CDC25C: variants seen among roughly 807,000 people sequenced by gnomAD.
CDC25C encodes the protein cell division cycle 25C, also known as M-phase inducer phosphatase 3.
Under a neutral mutation model 52.5 loss-of-function variants are expected in CDC25C, and 48 were observed. The ratio of observed to expected loss-of-function variants is 0.91; its 90% CI spans 0.72 to 1.16. CDC25C has a LOEUF of 1.16. Ranked by LOEUF, CDC25C falls within the 50% of genes most tolerant of loss-of-function variation. The pLI is 0.00. For missense variants in CDC25C, 510 were observed against 566.1 expected, an observed-to-expected ratio of 0.90 and a Z score of 1.01; for synonymous variants, 187 against 206.5, an observed-to-expected ratio of 0.91 and a Z score of 0.81.
In CDC25C at chr5:138,285,436, C is replaced by T; in HGVS notation, c.*256G>A. On this transcript the variant is annotated 3_prime_UTR_variant, in exon 14 of 14. Transcript: ENST00000323760. ...CATGAGGAGTTGGGAAAAGGAATGC[C>T]AGAGTTCCCTGAACCAATACAAATC... 2 of 411,654 alleles carry T rather than the reference C, an allele frequency of 4.9e-6. No individual in the cohort carries two copies. Among genetic ancestry groups the T allele is most frequent in the South Asian group, 4.4e-5 (1 of 22,586 alleles). The allele number at this position is 411,654 out of a possible 1,614,324, so 25.5% of individuals were successfully genotyped here. A position where few individuals can be genotyped will look rare whatever the true frequency, so the allele number is the denominator to read the frequency against.
intron 2 of CDC25C, 23 bp downstream of exon 2, chr5:138,330,964 T>A (rs1224121266): frequency 1.3e-6 from 2 of 1,485,410 alleles, no homozygotes; most frequent in East Asian, 4.5e-5. Flanking sequence ...GGCAATACAG[T>A]GTAAAAATAA....
At chr5:138,302,045 A>G (rs1757666681) in intron 7 of CDC25C, among the ~76,000 whole-genome samples, 1 of 150,630 alleles carries the variant, frequency 6.6e-6, no homozygotes, top group African/African-American at 2.5e-5. Flanking sequence ...CCCAGGATGG[A>G]CTGCAGTGGC....
chr5:138,319,846 A>C (rs1759207294), intron 6 of CDC25C, among the ~76,000 whole-genome samples: 1 of 152,220 alleles, frequency 6.6e-6, no homozygotes, highest in Non-Finnish European at 1.5e-5. Context: ...CTTTATACCC[A>C]TTAGGATAGC....
At position 138,317,628 on chromosome 5, in the gene CDC25C, C is replaced by G. The variant is rs1354098937; in HGVS notation, c.615+1591G>C. 2.4e-5 allele frequency among the ~76,000 whole-genome samples: 3 copies of G among 125,778 alleles called. No individual in the cohort carries two copies. The Admixed American group carries it at 3.0e-4, about 13-fold the overall frequency. 82.5% of individuals were successfully genotyped at this position (125,778 alleles called of 152,430 possible). A position where few individuals can be genotyped will look rare whatever the true frequency, so the allele number is the denominator to read the frequency against. On this transcript the variant is annotated intron_variant, in intron 7 of 13. Transcript: ENST00000323760. ...CTGGGGAGATTGAGGCTGCAGTGAACTTTAATTGTGCCACGTACCCCAGCC... is the reference window on the plus strand; with the variant it reads ...CTGGGGAGATTGAGGCTGCAGTGAAGTTTAATTGTGCCACGTACCCCAGCC...
rs1440446732 is a variant in CDC25C, at chr5:138,292,226, A to G, written c.616-110T>C. ...TTTGAAATGCAGGTTTCCAGATGTT[A>G]GGCCACACCCCAAACCTACTGAATT... is the stretch of plus-strand genomic sequence containing the variant. On this transcript the variant is annotated intron_variant, in intron 7 of 13. Transcript: ENST00000323760. 3 of 789,584 alleles carry G rather than the reference A, an allele frequency of 3.8e-6. No homozygotes were observed. In the African/African-American group the frequency reaches 5.2e-5, roughly 14 times the overall value. 48.9% of individuals were successfully genotyped at this position (789,584 alleles called of 1,614,324 possible).
At chr5:138,310,178 T>C (rs1758334119) in intron 7 of CDC25C, among the ~76,000 whole-genome samples, 1 of 152,202 alleles carries the variant, frequency 6.6e-6, no homozygotes, top group Non-Finnish European at 1.5e-5. Flanking sequence ...CCTCAACCCC[T>C]TGTTCATCCA....
intron 9 of CDC25C, among the ~76,000 whole-genome samples, chr5:138,289,911 T>G (rs1025900632): frequency 2.0e-5 from 3 of 146,376 alleles, no homozygotes; most frequent in Non-Finnish European, 4.5e-5. Context: ...GCTATTAAAA[T>G]GAAATGGGCT....
At chr5:138,328,650 A>G in intron 3 of CDC25C, 121 bp from the exon 4 acceptor site, 1 of 796,592 alleles carries the variant, frequency 1.3e-6, no homozygotes, top group Non-Finnish European at 2.2e-6. Context: ...GCTTTTGAAT[A>G]CAAAGCCTCT....
chr5:138,308,110 T>A (rs1303280473), intron 7 of CDC25C, among the ~76,000 whole-genome samples: 1 of 152,178 alleles, frequency 6.6e-6, no homozygotes, highest in Admixed American at 6.5e-5. Flanking sequence ...TCTTACTTCC[T>A]ACTGTGCGGC....
chr5:138,287,228 C>A lies in CDC25C; in HGVS notation c.967G>T (p.Glu323Ter). The A allele has an allele frequency of 6.2e-7, 1 of 1,614,082 alleles. No individual in the cohort carries two copies. Reference protein sequence around the residue: ...LLSGKFQGLIEKFYVIDCRYP... With the variant: ...LLSGKFQGLI ...CGACAATCAATGACATAAAACTTCT[C>A]AATCAGACCCTGGAACTTCCCCGAC... is the stretch of plus-strand genomic sequence containing the variant. Residue 323 changes from glutamate (E) to a stop codon, truncating the protein, a stop_gained, in exon 11 of 14, where the codon GAG (glutamate) becomes TAG (stop). Coordinates refer to ENST00000323760, the MANE Select transcript of CDC25C (RefSeq NM_001790.5). LOFTEE classifies it high-confidence loss of function.
At chr5:138,321,632 G>A (rs1419040216) in intron 6 of CDC25C, among the ~76,000 whole-genome samples, 3 of 151,478 alleles carry the variant, frequency 2.0e-5, no homozygotes, top group Non-Finnish European at 2.9e-5. Context: ...CACGCCTATA[G>A]TCCCAGCTAC....
intron 6 of CDC25C, among the ~76,000 whole-genome samples, chr5:138,319,774 T>C (rs958201692): frequency 6.6e-6 from 1 of 152,106 alleles, no homozygotes; most frequent in Non-Finnish European, 1.5e-5. Flanking sequence ...CATAAGCACA[T>C]CAAAAGATGC....
chr5:138,333,512 G>A (rs1308622760), upstream of CDC25C: 1 of 152,260 alleles, frequency 6.6e-6, no homozygotes, highest in African/African-American at 2.4e-5. Context: ...AGTTAGCACA[G>A]AACCTTGCTA....
rs70982703 is a variant in CDC25C at position 138,292,480 on chromosome 5, C to CAAAAAAA, written c.616-371_616-365dup. Among the ~76,000 whole-genome samples, 60 of 63,418 alleles carry CAAAAAAA rather than the reference C, an allele frequency of 9.5e-4. 1 individual carries two copies. Among genetic ancestry groups the CAAAAAAA allele is most frequent in the East Asian group, 2.4e-3 (5 of 2,114 alleles). 41.6% of individuals were successfully genotyped at this position (63,418 alleles called of 152,430 possible). On this transcript the variant is annotated intron_variant, in intron 7 of 13. Transcript: ENST00000323760. The stretch of plus-strand genomic sequence containing the variant: ...AGCTCAGTCCCTCCAGTTATGTGAC[C>CAAAAAAA]AAAAAAAAAAAAAAAAAAAAAAACA...
At chr5:138,324,271 AAAATAAAT>A (rs536317925) in intron 6 of CDC25C, among the ~76,000 whole-genome samples, 1 of 152,048 alleles carries the variant, frequency 6.6e-6, no homozygotes, top group African/African-American at 2.4e-5. Context: ...ACTCTGTCTC[AAAATAAAT>A]AAATAAATAA....
chr5:138,326,218 A>G (rs978283401), intron 4 of CDC25C, among the ~76,000 whole-genome samples, 164 bp from the exon 5 acceptor site: 3 of 152,188 alleles, frequency 2.0e-5, no homozygotes, highest in Non-Finnish European at 4.4e-5. Context: ...TCTGTGGTAA[A>G]TATCAAGACT....
At position 138,302,242 on chromosome 5, in the gene CDC25C, C is replaced by T. The variant is rs569521490; in HGVS notation, c.616-10126G>A. On this transcript the variant is annotated intron_variant, in intron 7 of 13. Coordinates refer to ENST00000323760, the MANE Select transcript of CDC25C (RefSeq NM_001790.5). The stretch of plus-strand genomic sequence containing the variant: ...GATCTCCTGACCTCGAGTGATCCAC[C>T]TGCCTCAGCCTCCCAAAGTGCTGGG... Among the ~76,000 whole-genome samples, 8 of 151,942 alleles carry T rather than the reference C, an allele frequency of 5.3e-5. No homozygotes were observed. The South Asian group carries it at 1.7e-3, about 32-fold the overall frequency.
At chr5:138,286,735 G>A (rs1756275884) in intron 11 of CDC25C, 105 bp from the exon 12 acceptor site, 3 of 1,081,970 alleles carry the variant, frequency 2.8e-6, no homozygotes, top group South Asian at 3.3e-5. Context: ...GACCAGAAAA[G>A]CTGGACTATA....
Position 138,286,128 on chromosome 5 carries a change from C to G in CDC25C, c.1166G>C (p.Arg389Pro), listed in dbSNP as rs537183556. 6.2e-7 allele frequency: 1 copy of G among 1,612,494 alleles called. No individual in the cohort carries two copies. The highest frequency in any genetic ancestry group is 1.3e-5 in the African/African-American group (1 of 74,850). Residue 389 changes from arginine (R) to proline (P), a missense_variant, in exon 13 of 14, where the codon CGC (arginine) becomes CCC (proline). Transcript: ENST00000323760. Reference sequence around the variant, plus strand: ...AGACCTGTCCTCTTCACGCAGACAGCGGCACCTTTAGAGAGAACCCAGAGA... The same window carrying G: ...AGACCTGTCCTCTTCACGCAGACAGGGGCACCTTTAGAGAGAACCCAGAGA... ...FSSERGPRMCRCLREEDRSLN... is the reference protein window; with the variant it reads ...FSSERGPRMCPCLREEDRSLN...
Sources: gnomAD v4.1 joint callset for allele counts (sites outside exome capture counted in the v4.1 genomes callset) on GRCh38, gnomAD v4.1.1 for gene constraint, MANE v1.5 for transcripts, NCBI Gene and HGNC (gene_info 2026-07-23, HGNC 2026-07-21) for gene names.